Variants in TNRC18 observed in about 807,000 individuals in gnomAD.
TNRC18 encodes the protein trinucleotide repeat-containing gene 18 protein.
TNRC18 carries 69 observed loss-of-function variants against 226.7 expected under a neutral mutation model. The ratio of observed to expected loss-of-function variants is 0.30; its 90% CI spans 0.25 to 0.37. The LOEUF is 0.37. TNRC18 is among the 10% of genes least tolerant of loss of function. TNRC18 has a pLI of 1.00. For missense variants in TNRC18, 4,754 were observed against 4,256.6 expected, an observed-to-expected ratio of 1.12 and a Z score of -3.25; for synonymous variants, 2,449 against 1,927.6, an observed-to-expected ratio of 1.27 and a Z score of -7.09.
rs1780482134 is a variant in TNRC18, at chr7:5,393,990, G to A, written c.343+450C>T. ...CCCAAACTGTTGGGATTACAGCTGTGAGCCACCATGCCCGGCCTGCTCCTG... is the reference window on the plus strand; with the variant it reads ...CCCAAACTGTTGGGATTACAGCTGTAAGCCACCATGCCCGGCCTGCTCCTG... On this transcript the variant is annotated intron_variant, in intron 3 of 29. Transcript: ENST00000430969. 3.9e-5 allele frequency among the ~76,000 whole-genome samples: 6 copies of A among 152,206 alleles called. No homozygotes were observed. In the South Asian group the frequency reaches 1.2e-3, roughly 32 times the overall value.
At chr7:5,372,813 A>G (rs1180218443) in intron 10 of TNRC18, among the ~76,000 whole-genome samples, 1 of 152,190 alleles carries the variant, frequency 6.6e-6, no homozygotes, top group African/African-American at 2.4e-5. Flanking sequence ...GCTTGAGCCC[A>G]GGAGATCAAG....
In TNRC18 at chr7:5,320,385, T is replaced by C. The variant is rs1314081725; in HGVS notation, c.6678A>G (p.Gln2226=). 4.5e-6 allele frequency: 7 copies of C among 1,562,296 alleles called. No individual in the cohort carries two copies. The highest frequency in any genetic ancestry group is 4.8e-5 in the East Asian group (2 of 41,896). The part of the protein sequence containing the change: ...VRPASTRFLP[Q]GTRIAAYWSQ... ...TCCAGTAGGCTGCAATCCTGGTCCC[T>C]TGTGGCAAGAAGCGAGTGGAGGCTG... The change falls in exon 24 of 30, where the codon CAA becomes CAG. Residue 2226 remains glutamine (Q), a synonymous_variant. Coordinates refer to ENST00000430969, the MANE Select transcript of TNRC18 (RefSeq NM_001080495.3).
chr7:5,335,189 G>A (rs547196695), intron 18 of TNRC18, among the ~76,000 whole-genome samples: 1 of 151,182 alleles, frequency 6.6e-6, no homozygotes, highest in African/African-American at 2.4e-5. Flanking sequence ...TATAGTCCCA[G>A]CTACTCGGGA....
At chr7:5,364,125 C>T (rs971970969) in intron 11 of TNRC18, among the ~76,000 whole-genome samples, 5 of 151,924 alleles carry the variant, frequency 3.3e-5, no homozygotes, top group Admixed American at 6.6e-5. Flanking sequence ...ATGGTGAAAC[C>T]CTGTCTCTAC....
At chr7:5,365,711 C>G (rs541697671) in intron 11 of TNRC18, among the ~76,000 whole-genome samples, 1 of 152,214 alleles carries the variant, frequency 6.6e-6, no homozygotes, top group Admixed American at 6.5e-5. Context: ...GCCGCAGCCT[C>G]CCAAAGTACT....
At position 5,362,667 on chromosome 7, in the gene TNRC18, G is replaced by C. The variant is rs371145281; in HGVS notation, c.4378C>G (p.Arg1460Gly). ...LKPNKKYSWM[R>G]KKEERMYAMK... ...CCGCTCACCCGCTCCTCCTTCTTGC[G>C]CATCCAGCTGTACTTCTTGTTGGGC... The change falls in exon 12 of 30, where the codon CGC (arginine) becomes GGC (glycine). Residue 1460 changes from arginine (R) to glycine (G), a missense_variant. By Grantham distance (125) the Arg-to-Gly change is moderately radical (BLOSUM62 -2). Coordinates refer to ENST00000430969, the MANE Select transcript of TNRC18 (RefSeq NM_001080495.3). 1 of 1,579,444 alleles carries C rather than the reference G, an allele frequency of 6.3e-7. No homozygotes were observed. The highest frequency in any genetic ancestry group is 1.2e-5 in the South Asian group (1 of 86,356).
chr7:5,336,938 G>C (rs1051007401), intron 18 of TNRC18, among the ~76,000 whole-genome samples: 1 of 152,096 alleles, frequency 6.6e-6, no homozygotes, highest in Non-Finnish European at 1.5e-5. Context: ...GGAAAAGAAA[G>C]AACAAGAAAA....
chr7:5,358,038 G>A (rs886403363), intron 15 of TNRC18, among the ~76,000 whole-genome samples: 1 of 152,150 alleles, frequency 6.6e-6, no homozygotes, highest in Non-Finnish European at 1.5e-5. Flanking sequence ...GATTAAGGGA[G>A]GAGGAAAGGA....
At chr7:5,346,479 AGAGT>A (rs2128140617) in intron 17 of TNRC18, among the ~76,000 whole-genome samples, 1 of 152,218 alleles carries the variant, frequency 6.6e-6, no homozygotes, top group African/African-American at 2.4e-5. Flanking sequence ...CTGGGTGACA[AGAGT>A]GAGACTCAGT....
chr7:5,417,208 C>T (rs948876549), intron 2 of TNRC18, among the ~76,000 whole-genome samples: 1 of 151,190 alleles, frequency 6.6e-6, no homozygotes, highest in African/African-American at 2.4e-5. Context: ...TGGTACACAC[C>T]TGAAATCCCA....
chr7:5,387,938 C>T lies in TNRC18; in HGVS notation c.1886G>A (p.Gly629Asp), dbSNP rs1413471521. 6.9e-6 allele frequency: 11 copies of T among 1,597,536 alleles called. No homozygotes were observed. The highest frequency in any genetic ancestry group is 9.4e-6 in the Non-Finnish European group (11 of 1,173,270). The change falls in exon 5 of 30, where the codon GGT (glycine) becomes GAT (aspartate). Residue 629 changes from glycine (G) to aspartate (D), a missense_variant. By Grantham distance (94) the Gly-to-Asp change is moderately conservative. Coordinates refer to ENST00000430969, the MANE Select transcript of TNRC18 (RefSeq NM_001080495.3). ...MKPEPAPTSA[G>D]ASRAQARLPH... Reference sequence around the variant, plus strand: ...GAGACGGGCCTGGGCTCGGGAGGCACCCGCAGAGGTGGGCGCAGGCTCGGG... The same window carrying T: ...GAGACGGGCCTGGGCTCGGGAGGCATCCGCAGAGGTGGGCGCAGGCTCGGG...
chr7:5,317,155 T>TGAGTGCACA (rs1787929703), intron 24 of TNRC18, among the ~76,000 whole-genome samples: 1 of 152,062 alleles, frequency 6.6e-6, no homozygotes, highest in Admixed American at 6.6e-5. Flanking sequence ...CAAACACTCA[T>TGAGTGCACA]GAGTGCACAG....
rs550973509 is a variant in TNRC18, at chr7:5,410,326, A to G, written c.187+10734T>C. Among the ~76,000 whole-genome samples the G allele has an allele frequency of 8.5e-4, 128 of 151,342 alleles. No homozygotes were observed. The East Asian group carries it at 9.3e-3, about 11-fold the overall frequency. On this transcript the variant is annotated intron_variant, in intron 2 of 29. Transcript: ENST00000430969. ...ACTCTGTCTCAAAAAAAAAAAAAAA[A>G]AAAAGAAAAGAAAAAATTCAATGAT... is the stretch of plus-strand genomic sequence containing the variant.
At chr7:5,359,031 G>A (rs1424766580) in intron 15 of TNRC18, among the ~76,000 whole-genome samples, 4 of 152,224 alleles carry the variant, frequency 2.6e-5, no homozygotes, top group African/African-American at 4.8e-5. Flanking sequence ...TAGAACTACA[G>A]AATGGCAGAG....
At chr7:5,342,137 C>G (rs1260630788) in intron 18 of TNRC18, among the ~76,000 whole-genome samples, 1 of 152,058 alleles carries the variant, frequency 6.6e-6, no homozygotes, top group Non-Finnish European at 1.5e-5. Context: ...GGAAAGAATT[C>G]ACTATTCTAG....
At position 5,309,148 on chromosome 7, in the gene TNRC18, T is replaced by G. The variant is rs1293679740; in HGVS notation, c.8609A>C (p.Gln2870Pro). The G allele has an allele frequency of 6.2e-7, 1 of 1,610,490 alleles. No homozygotes were observed. Among genetic ancestry groups the G allele is most frequent in the East Asian group, 2.2e-5 (1 of 44,818 alleles). Reference protein sequence around the residue: ...YHPEETSPGKQFHQGQHWDQK... With the variant: ...YHPEETSPGKPFHQGQHWDQK... ...CAGGCTCACCTGGCCCTGGTGGAAC[T>G]GCTTGCCCGGGCTGGTCTCCTCGGG... The change falls in exon 28 of 30, where the codon CAG becomes CCG. Residue 2870 changes from glutamine to proline, a missense_variant. By Grantham distance (76) the Gln-to-Pro change is moderately conservative. Coordinates refer to ENST00000430969, the MANE Select transcript of TNRC18 (RefSeq NM_001080495.3). This position sits in a 1 kb window ranked among gnomAD's most constrained non-coding sequence, Gnocchi z 5.7.
intron 25 of TNRC18, among the ~76,000 whole-genome samples, chr7:5,315,413 TG>T (rs1239903662): frequency 9.1e-6 from 1 of 109,858 alleles, no homozygotes; most frequent in East Asian, 2.9e-4. Flanking sequence ...TGACTTTTGT[TG>T]GGTTTTTTTT....
intron 2 of TNRC18, among the ~76,000 whole-genome samples, chr7:5,395,866 G>A (rs1220474651): frequency 3.9e-5 from 6 of 152,058 alleles, no homozygotes; most frequent in Non-Finnish European, 5.9e-5. Context: ...ATGTGGTGGC[G>A]GGCACCTGTA....
chr7:5,360,123 T>C (rs941351768), intron 14 of TNRC18, among the ~76,000 whole-genome samples: 2 of 152,236 alleles, frequency 1.3e-5, no homozygotes, highest in African/African-American at 4.8e-5. Context: ...AGCCGATCTG[T>C]ACTTGGCACT....
Sources: allele counts gnomAD v4.1 joint callset (sites outside exome capture counted in the v4.1 genomes callset), GRCh38; gene constraint gnomAD v4.1.1; non-coding constraint Gnocchi (gnomAD v3.1); transcripts MANE v1.5; gene names NCBI Gene and HGNC (gene_info 2026-07-23, HGNC 2026-07-21).